Variants in JAG1 observed in about 807,000 individuals in gnomAD.
The protein encoded by JAG1 is protein jagged-1.
Under a neutral mutation model 148.7 loss-of-function variants are expected in JAG1, and 23 were observed. The ratio of observed to expected loss-of-function variants is 0.15; its 90% confidence interval spans 0.11 to 0.22. JAG1 has a LOEUF of 0.22. JAG1 is among the 10% of genes least tolerant of loss of function. The probability of loss-of-function intolerance (pLI) is 1.00; values close to 1 mark genes in which losing one functional copy is unlikely to be tolerated. For synonymous variants in JAG1, 572 were observed against 598.3 expected (o/e 0.96, Z 0.64); for missense variants, 1,054 against 1,611.2 (o/e 0.65, Z 5.92).
chr20:10,664,018 C>G lies in JAG1; in HGVS notation c.388-4G>C, dbSNP rs567027490. The G allele has an allele frequency of 4.2e-4, 683 of 1,613,064 alleles. 8 individuals are homozygous for G. In the South Asian group the frequency reaches 7.2e-3, roughly 17 times the overall value. ...CCACAAGCAACGTATAGGACCTCTG[C>G]AAGACAAACAAACAATTTAGCAATT... On this transcript the variant is annotated splice_polypyrimidine_tract_variant and splice_region_variant and intron_variant, in intron 2 of 25. Transcript: ENST00000254958.
In JAG1 at chr20:10,652,492, A is replaced by G. The variant is rs902638453; in HGVS notation, c.862T>C (p.Trp288Arg). Residue 288 changes from tryptophan to arginine, a missense_variant, in exon 6 of 26, where the codon TGG becomes CGG. Physicochemically the swap from Trp to Arg is moderately radical, Grantham distance 101 (BLOSUM62 -3). This residue lies in a region of JAG1 where 104 missense variants were observed against 235.2 expected (regional missense o/e 0.44). Coordinates refer to ENST00000254958, the MANE Select transcript of JAG1 (RefSeq NM_000214.3). ...CCTTTGTCACAGAGCTGGCCGCCCC[A>G]GTTGGTCTCACAGAGGCACTGCCAG... ...EPWQCLCETN[W>R]GGQLCDKDLN... The G allele has an allele frequency of 6.2e-7, 1 of 1,613,968 alleles. No individual in the cohort carries two copies. The highest frequency in any genetic ancestry group is 8.5e-7 in the Non-Finnish European group (1 of 1,179,952).
Position 10,661,706 on chromosome 20 carries a change from AC to A in JAG1, c.439+2256del, listed in dbSNP as rs200921297. Among the ~76,000 whole-genome samples, 431 of 152,032 alleles carry A rather than the reference AC, an allele frequency of 2.8e-3. 4 individuals are homozygous for A. Among genetic ancestry groups the A allele is most frequent in the African/African-American group, 0.01 (417 of 41,428 alleles). ...AAGCAAATGTTATGGCTCTGAAAAG[AC>A]CAGGATGGCAGAAGAATGGAGAAAG... On this transcript the variant is annotated intron_variant, in intron 3 of 25. Coordinates refer to ENST00000254958, the MANE Select transcript of JAG1 (RefSeq NM_000214.3).
intron 5 of JAG1, among the ~76,000 whole-genome samples, chr20:10,654,462 G>A (rs1451228158): frequency 2.0e-5 from 3 of 152,116 alleles, no homozygotes; most frequent in Non-Finnish European, 4.4e-5. Flanking sequence ...CAATAAGCAA[G>A]CATGTATACC....
At chr20:10,648,819 G>T in intron 11 of JAG1, 97 bp from the exon 12 acceptor site, 1 of 1,249,486 alleles carries the variant, frequency 8.0e-7, no homozygotes, top group Non-Finnish European at 1.2e-6. Flanking sequence ...TTGCGGTTTA[G>T]CTGGTTCACT....
At chr20:10,664,373 A>AACACACACACACACACACACACAC (rs59417356) in intron 2 of JAG1, among the ~76,000 whole-genome samples, 3 of 144,594 alleles carry the variant, frequency 2.1e-5, no homozygotes, top group African/African-American at 7.6e-5. Flanking sequence ...TGCATGAGGA[A>AACACACACACACACACACACACAC]ACACACACAC....
intron 2 of JAG1, among the ~76,000 whole-genome samples, chr20:10,666,606 G>A (rs1003643856): frequency 2.0e-5 from 3 of 152,180 alleles, no homozygotes; most frequent in Non-Finnish European, 4.4e-5. Context: ...AGAGTCACCT[G>A]GCTTTCATCT....
chr20:10,672,536 T>A (rs898048255), intron 2 of JAG1, among the ~76,000 whole-genome samples, 165 bp downstream of exon 2: 4 of 152,100 alleles, frequency 2.6e-5, no homozygotes, highest in Non-Finnish European at 5.9e-5. Context: ...AGCCGAGATC[T>A]AACTATAGTG....
intron 9 of JAG1, 192 bp from the exon 10 acceptor site, chr20:10,649,827 C>A: frequency 3.2e-6 from 2 of 621,670 alleles, no homozygotes; most frequent in East Asian, 2.7e-5. Context: ...CCAATAAGAA[C>A]CCTAATTGAT....
Position 10,641,653 on chromosome 20 carries a change from T to C in JAG1, c.2723A>G (p.His908Arg), listed in dbSNP as rs150243935. The change falls in exon 23 of 26, where the codon CAC (histidine) becomes CGC (arginine). Residue 908 changes from histidine to arginine, a missense_variant. Transcript: ENST00000254958. ...GPRPCLLHKGHSECPSGQSCI... is the reference protein window; with the variant it reads ...GPRPCLLHKGRSECPSGQSCI... Reference sequence around the variant, plus strand: ...GCTCTGCCCGCTGGGGCACTCGCTGTGCCCTTTGTGGAGCAGGCAAGGTCG... The same window carrying C: ...GCTCTGCCCGCTGGGGCACTCGCTGCGCCCTTTGTGGAGCAGGCAAGGTCG... 1.2e-6 allele frequency: 2 copies of C among 1,613,926 alleles called. No homozygotes were observed. The highest frequency in any genetic ancestry group is 2.7e-5 in the African/African-American group (2 of 74,938).
rs781670080 is a variant in JAG1, at chr20:10,646,985, G to A, written c.1839C>T (p.Phe613=). The change falls in exon 14 of 26, where the codon TTC becomes TTT. Residue 613 remains phenylalanine, a synonymous_variant. Transcript: ENST00000254958. ...TGAAGCCTTTGTTACAGTCACAGGT[G>A]AATTTGCCTCCCGACTGACTCTTGC... ...GKCKSQSGGK[F]TCDCNKGFTG... The A allele has an allele frequency of 4.3e-6, 7 of 1,614,166 alleles. No homozygotes were observed.
At chr20:10,647,476 T>C (rs906085744) in intron 13 of JAG1, among the ~76,000 whole-genome samples, 1 of 152,260 alleles carries the variant, frequency 6.6e-6, no homozygotes, top group African/African-American at 2.4e-5. Flanking sequence ...ATAGAAGCTT[T>C]AAATGTTGTG....
chr20:10,643,430 A>G (rs1231181053), intron 20 of JAG1, among the ~76,000 whole-genome samples: 1 of 152,180 alleles, frequency 6.6e-6, no homozygotes, highest in Non-Finnish European at 1.5e-5. Context: ...GCTTTATCCT[A>G]TACCAGTGTA....
At position 10,651,581 on chromosome 20, in the gene JAG1, T is replaced by C. The variant is rs1277870956; in HGVS notation, c.1120A>G (p.Asn374Asp). The change falls in exon 8 of 26, where the codon AAC (asparagine) becomes GAC (aspartate). Residue 374 changes from asparagine to aspartate, a missense_variant and splice_region_variant. Coordinates refer to ENST00000254958, the MANE Select transcript of JAG1 (RefSeq NM_000214.3). ...GACACAGGCTGAAAATTGGACTTAC[T>C]TGTAGAGCATGTGGGGCCGGTCCAG... ...PGWTGPTCST[N>D]IDDCSPNNCS... The C allele has an allele frequency of 1.9e-6, 3 of 1,605,438 alleles. No individual in the cohort carries two copies. Among genetic ancestry groups the C allele is most frequent in the Non-Finnish European group, 2.6e-6 (3 of 1,172,564 alleles).
intron 8 of JAG1, chr20:10,651,019 G>A: frequency 6.3e-6 from 1 of 159,562 alleles, no homozygotes; most frequent in Non-Finnish European, 1.4e-5. Flanking sequence ...CACACCTGGG[G>A]TGCTGATGAC....
intron 2 of JAG1, 125 bp downstream of exon 2, chr20:10,672,576 G>A (rs1333112536): frequency 2.0e-6 from 2 of 992,308 alleles, no homozygotes; most frequent in East Asian, 5.2e-5. Context: ...CACCCCTAGA[G>A]ATTTCCCCAG....
In JAG1 at chr20:10,642,561, C is replaced by T. The variant is rs201954371; in HGVS notation, c.2499G>A (p.Ala833=). 1.4e-5 allele frequency: 22 copies of T among 1,613,910 alleles called. No individual in the cohort carries two copies. The highest frequency in any genetic ancestry group is 3.3e-4 in the Middle Eastern group (2 of 6,062). Residue 833 remains alanine (A), a synonymous_variant, in exon 21 of 26, where the codon GCG becomes GCA. Coordinates refer to ENST00000254958, the MANE Select transcript of JAG1 (RefSeq NM_000214.3). ...AGCCATTGATCTCATCCACACAGGT[C>T]GCTCCAAAGGCACAAGGTGAAGACT... ...ECQSSPCAFG[A]TCVDEINGYR...
chr20:10,643,690 G>T, intron 20 of JAG1, 88 bp downstream of exon 20: 4 of 998,362 alleles, frequency 4.0e-6, no homozygotes, highest in Non-Finnish European at 6.3e-6. Flanking sequence ...GGGAATGGTG[G>T]CTTTGTTTTT....
chr20:10,661,205 A>G (rs2067414752), intron 3 of JAG1, among the ~76,000 whole-genome samples: 1 of 152,128 alleles, frequency 6.6e-6, no homozygotes, highest in Admixed American at 6.5e-5. Context: ...CACCTAGGCT[A>G]TATTTGGGCC....
chr20:10,646,580 C>CG (rs1027421320), intron 14 of JAG1, among the ~76,000 whole-genome samples: 28 of 150,670 alleles, frequency 1.9e-4, no homozygotes, highest in Admixed American at 4.1e-4. Context: ...AGTTGGGGGT[C>CG]GGGGGGTGGA....
Sources: allele counts gnomAD v4.1 joint callset (sites outside exome capture counted in the v4.1 genomes callset), GRCh38; gene constraint gnomAD v4.1.1; regional missense constraint gnomAD v4.1.1; transcripts MANE v1.5; gene names NCBI Gene and HGNC (gene_info 2026-07-23, HGNC 2026-07-21).